SYT16: variants seen among roughly 807,000 people sequenced by gnomAD.
SYT16 encodes the protein synaptotagmin-16.
SYT16 carries 42 observed loss-of-function variants against 61.4 expected under a neutral mutation model. The observed-to-expected ratio is 0.68, with a 90% CI of 0.53 to 0.89. The LOEUF (loss-of-function observed/expected upper bound fraction) is 0.89. SYT16 is among the 40% of genes least tolerant of loss of function. The pLI is 0.00. For synonymous variants in SYT16, 314 were observed against 302.3 expected, an observed-to-expected ratio of 1.04 and a Z score of -0.40; for missense variants, 804 against 807.3, an observed-to-expected ratio of 1.00 and a Z score of 0.05.
At chr14:61,941,428 G>GT (rs1222390974) in intron 1 of SYT16, among the ~76,000 whole-genome samples, 1 of 152,098 alleles carries the variant, frequency 6.6e-6, no homozygotes, top group Non-Finnish European at 1.5e-5. Context: ...AGTTTCAGTT[G>GT]TTTTTTTCTA....
At chr14:61,916,382 A>G (rs1464254300) in intron 1 of SYT16, among the ~76,000 whole-genome samples, 4 of 152,080 alleles carry the variant, frequency 2.6e-5, no homozygotes, top group Admixed American at 2.6e-4. Context: ...TTTGTGTTTT[A>G]TGTGCTCCTA....
At chr14:61,843,372 A>G (rs967400464) in intron 1 of SYT16, among the ~76,000 whole-genome samples, 7 of 152,098 alleles carry the variant, frequency 4.6e-5, no homozygotes, top group Non-Finnish European at 1.0e-4. Flanking sequence ...AACTTTGTTG[A>G]TTGTTTCCTT....
At chr14:61,899,971 A>C (rs1369099407) in intron 1 of SYT16, among the ~76,000 whole-genome samples, 5 of 152,184 alleles carry the variant, frequency 3.3e-5, no homozygotes, top group South Asian at 2.1e-4. Context: ...ATAAGGCAAG[A>C]AATATAGGTC....
At chr14:61,847,858 C>A (rs1874454210) in intron 1 of SYT16, among the ~76,000 whole-genome samples, 1 of 152,164 alleles carries the variant, frequency 6.6e-6, no homozygotes, top group African/African-American at 2.4e-5. Context: ...ATGCATTCTT[C>A]AGTATGTCAA....
intron 1 of SYT16, among the ~76,000 whole-genome samples, chr14:61,958,382 C>T (rs971502124): frequency 2.6e-5 from 4 of 151,338 alleles, no homozygotes; most frequent in Admixed American, 2.0e-4. Context: ...TATTTGAGAT[C>T]TTTCTCCTTT....
intron 1 of SYT16, among the ~76,000 whole-genome samples, chr14:61,964,171 C>T (rs900789409): frequency 7.9e-5 from 12 of 152,124 alleles, no homozygotes; most frequent in African/African-American, 2.7e-4. Context: ...CTTTCAAGCT[C>T]ATTATTTAAG....
chr14:62,076,646 A>G (rs1474623796), intron 5 of SYT16, among the ~76,000 whole-genome samples: 1 of 152,124 alleles, frequency 6.6e-6, no homozygotes, highest in African/African-American at 2.4e-5. Flanking sequence ...GAGGCACCCA[A>G]AGCCATTAAC....
intron 1 of SYT16, among the ~76,000 whole-genome samples, chr14:61,940,146 A>G (rs185183812): frequency 1.3e-5 from 2 of 152,320 alleles, no homozygotes; most frequent in South Asian, 2.1e-4. Context: ...TTAAGTTGCA[A>G]CTACATAGTT....
At chr14:61,927,176 C>A (rs1311105366) in intron 1 of SYT16, among the ~76,000 whole-genome samples, 1 of 152,128 alleles carries the variant, frequency 6.6e-6, no homozygotes, top group African/African-American at 2.4e-5. Context: ...CTTCTGTGAC[C>A]CTCTTGGTTT....
chr14:62,107,372 G>A lies in SYT16; in HGVS notation c.*6665G>A, dbSNP rs2057532290. The A allele has an allele frequency of 6.6e-6, 1 of 152,182 alleles. No homozygotes were observed. Among genetic ancestry groups the A allele is most frequent in the African/African-American group, 2.4e-5 (1 of 41,400 alleles). The allele number at this position is 152,182 out of a possible 1,614,324, so 9.4% of individuals were successfully genotyped here. On this transcript the variant is annotated 3_prime_UTR_variant, in exon 8 of 8. Transcript: ENST00000683842. The stretch of plus-strand genomic sequence containing the variant: ...TGCTTGAACCTGTGAGGTCAAGGCT[G>A]CAGTGAGCCGGGATCATGCCACTGC...
intron 4 of SYT16, among the ~76,000 whole-genome samples, chr14:62,072,928 A>G (rs2056353090): frequency 6.6e-6 from 1 of 152,194 alleles, no homozygotes; most frequent in African/African-American, 2.4e-5. Context: ...TATGGCCTAT[A>G]ATTTCTAAGA....
intron 3 of SYT16, among the ~76,000 whole-genome samples, chr14:62,039,869 A>ACG (rs964337619): frequency 7.0e-6 from 1 of 142,542 alleles, no homozygotes; most frequent in African/African-American, 2.7e-5. Context: ...ACACACACAC[A>ACG]CACACACACG....
chr14:62,081,013 T>C lies in SYT16; in HGVS notation c.1173T>C (p.His391=). The C allele has an allele frequency of 2.5e-6, 4 of 1,613,386 alleles. No individual in the cohort carries two copies. The highest frequency in any genetic ancestry group is 2.7e-5 in the African/African-American group (2 of 75,028). The change falls in exon 6 of 8, where the codon CAT becomes CAC. Residue 391 remains histidine, a synonymous_variant. Coordinates refer to ENST00000683842, the MANE Select transcript of SYT16 (RefSeq NM_001367656.1). ...GTGGTGTCAACTCCTGGCAAGTTCATGTAGTGCTGCTGCCTGGTAAGAAAC... is the reference window on the plus strand; with the variant it reads ...GTGGTGTCAACTCCTGGCAAGTTCACGTAGTGCTGCTGCCTGGTAAGAAAC... The part of the protein sequence containing the change: ...DRSGVNSWQV[H]VVLLPGKKHR...
rs575957072 is a variant in SYT16, at chr14:62,034,111, T to C, written c.524-35492T>C. Among the ~76,000 whole-genome samples, 9 of 152,294 alleles carry C rather than the reference T, an allele frequency of 5.9e-5. No homozygotes were observed. In the East Asian group the frequency reaches 1.7e-3, roughly 29 times the overall value. Reference sequence around the variant, plus strand: ...AAGTATATGAAAAAATACTCAACATTCTTAGCTATCAGAGCAAAGCAGATT... The same window carrying C: ...AAGTATATGAAAAAATACTCAACATCCTTAGCTATCAGAGCAAAGCAGATT... On this transcript the variant is annotated intron_variant, in intron 3 of 7. Transcript: ENST00000683842.
chr14:61,906,775 ATCCG>A (rs1165060107), intron 1 of SYT16, among the ~76,000 whole-genome samples: 2 of 110,422 alleles, frequency 1.8e-5, no homozygotes, highest in South Asian at 3.3e-4. Context: ...CAATCCATCC[ATCCG>A]TCCGTCCGTC....
chr14:61,865,275 T>C (rs2047111185), intron 1 of SYT16: 1 of 797,868 alleles, frequency 1.3e-6, no homozygotes, highest in Admixed American at 1.8e-5. Context: ...ATCTGTCTTT[T>C]GCCTCATGCC....
At chr14:62,014,850 G>A (rs1470896537) in intron 3 of SYT16, among the ~76,000 whole-genome samples, 1 of 152,096 alleles carries the variant, frequency 6.6e-6, no homozygotes, top group Non-Finnish European at 1.5e-5. Context: ...AAGCCTTCCA[G>A]TACAACTTCC....
intron 1 of SYT16, among the ~76,000 whole-genome samples, chr14:61,930,042 T>C (rs1378185621): frequency 6.6e-6 from 1 of 152,188 alleles, no homozygotes; most frequent in African/African-American, 2.4e-5. Flanking sequence ...TTAATCCACC[T>C]TGAGAATAAT....
In SYT16 at chr14:61,996,120, T is replaced by C. The variant is rs763655485; in HGVS notation, c.101T>C (p.Met34Thr). 33 of 1,613,234 alleles carry C rather than the reference T, an allele frequency of 2.0e-5. No homozygotes were observed. The East Asian group carries it at 3.3e-4, about 16-fold the overall frequency. The change falls in exon 3 of 8, where the codon ATG becomes ACG. Residue 34 changes from methionine to threonine, a missense_variant. Transcript: ENST00000683842. ...GAAGCTCTCCAGCAAGCAGGAGATA[T>C]GTTATCTGCTTCGCTGGTTAACATA... ...VYEALQQAGD[M>T]LSASLVNISK...
Sources: allele counts gnomAD v4.1 joint callset (sites outside exome capture counted in the v4.1 genomes callset), GRCh38; gene constraint gnomAD v4.1.1; transcripts MANE v1.5; gene names NCBI Gene and HGNC (gene_info 2026-07-23, HGNC 2026-07-21).